Variants in LDB2 observed in about 807,000 individuals in gnomAD.
LDB2 encodes LIM domain binding 2.
LDB2 carries 12 observed loss-of-function variants against 44.3 expected under a neutral mutation model. The observed-to-expected ratio is 0.27, with a 90% CI of 0.17 to 0.44. LDB2 has a LOEUF of 0.44. Ranked by LOEUF, LDB2 falls within the 20% of genes least tolerant of loss-of-function variation. The pLI is 1.00. For missense variants in LDB2, 344 were observed against 473.5 expected, an observed-to-expected ratio of 0.73 and a Z score of 2.54; for synonymous variants, 164 against 174.8, an observed-to-expected ratio of 0.94 and a Z score of 0.49.
At chr4:16,816,833 T>C (rs1781028160) in intron 1 of LDB2, among the ~76,000 whole-genome samples, 2 of 152,214 alleles carry the variant, frequency 1.3e-5, no homozygotes, top group Admixed American at 6.5e-5. Context: ...TGTCTTTATA[T>C]ATATAGTCTC....
intron 2 of LDB2, among the ~76,000 whole-genome samples, chr4:16,615,366 C>T (rs926832655): frequency 3.3e-5 from 5 of 152,042 alleles, no homozygotes; most frequent in Non-Finnish European, 5.9e-5. Flanking sequence ...AAATGCTCAT[C>T]GATGATAGAC....
intron 2 of LDB2, among the ~76,000 whole-genome samples, chr4:16,746,843 T>C (rs1383181758): frequency 2.0e-5 from 3 of 152,170 alleles, no homozygotes; most frequent in Non-Finnish European, 4.4e-5. Flanking sequence ...TGTAATCATA[T>C]GCATTCCTAA....
intron 1 of LDB2, among the ~76,000 whole-genome samples, chr4:16,803,607 T>C (rs1225051545): frequency 6.6e-6 from 1 of 152,186 alleles, no homozygotes; most frequent in Non-Finnish European, 1.5e-5. Flanking sequence ...GCTTCACATA[T>C]GACCAACAAT....
chr4:16,565,552 G>T (rs756992497), intron 5 of LDB2, among the ~76,000 whole-genome samples: 1 of 151,686 alleles, frequency 6.6e-6, no homozygotes, highest in Non-Finnish European at 1.5e-5. Flanking sequence ...AAAAAATCTA[G>T]AAGCATTCCT....
chr4:16,756,814 G>A (rs559596070), intron 2 of LDB2, among the ~76,000 whole-genome samples: 5 of 151,968 alleles, frequency 3.3e-5, no homozygotes, highest in Non-Finnish European at 7.4e-5. Context: ...TGGCAACTTA[G>A]AGATAAAGTA....
intron 5 of LDB2, among the ~76,000 whole-genome samples, chr4:16,559,960 A>G (rs1250620903): frequency 3.9e-5 from 6 of 152,210 alleles, no homozygotes; most frequent in African/African-American, 7.2e-5. Flanking sequence ...CTGCTCCTGA[A>G]TGACTACTGG....
At chr4:16,571,944 A>C (rs568692456) in intron 5 of LDB2, among the ~76,000 whole-genome samples, 1 of 152,310 alleles carries the variant, frequency 6.6e-6, no homozygotes, top group East Asian at 1.9e-4. Context: ...AGTGTGCCTT[A>C]AACTCTGCTA....
chr4:16,593,974 G>A (rs11735433), intron 3 of LDB2, among the ~76,000 whole-genome samples: 1 of 152,124 alleles, frequency 6.6e-6, no homozygotes, highest in Admixed American at 6.5e-5. Context: ...GCCTGAGAAA[G>A]AAATTGAGTA....
At chr4:16,779,162 T>C (rs1476519712) in intron 1 of LDB2, among the ~76,000 whole-genome samples, 1 of 152,150 alleles carries the variant, frequency 6.6e-6, no homozygotes, top group Non-Finnish European at 1.5e-5. Context: ...AGAACTTGGC[T>C]TTGGGAGCCT....
At chr4:16,628,853 G>C (rs1294607778) in intron 2 of LDB2, among the ~76,000 whole-genome samples, 1 of 152,174 alleles carries the variant, frequency 6.6e-6, no homozygotes, top group African/African-American at 2.4e-5. Context: ...TCCTATCCAA[G>C]GGAAGCCGTG....
At chr4:16,579,574 A>T (rs1560531204) in intron 5 of LDB2, among the ~76,000 whole-genome samples, 1 of 152,170 alleles carries the variant, frequency 6.6e-6, no homozygotes, top group African/African-American at 2.4e-5. Flanking sequence ...TTAAGTGGGA[A>T]TCTGCACCCT....
At chr4:16,542,103 G>GGA (rs1553889159) in intron 5 of LDB2, among the ~76,000 whole-genome samples, 1 of 145,068 alleles carries the variant, frequency 6.9e-6, no homozygotes, top group Non-Finnish European at 1.5e-5. Context: ...TCAGGTGGTG[G>GGA]GGGGGGGGGC....
At chr4:16,507,636 C>G (rs1442809423) in intron 7 of LDB2, among the ~76,000 whole-genome samples, 1 of 152,058 alleles carries the variant, frequency 6.6e-6, no homozygotes, top group Non-Finnish European at 1.5e-5. Flanking sequence ...TAAAAGGTAT[C>G]CATGAAGCAC....
At chr4:16,822,154 C>T (rs1209562017) in intron 1 of LDB2, among the ~76,000 whole-genome samples, 3 of 151,918 alleles carry the variant, frequency 2.0e-5, no homozygotes. Flanking sequence ...TATATACTTG[C>T]CTATGTACAG....
chr4:16,897,946 GTATATATA>G (rs35836810), intron 1 of LDB2, among the ~76,000 whole-genome samples: 3,011 of 27,886 alleles, frequency 0.11, 153 homozygotes, highest in South Asian at 0.19. Context: ...ATACACATAT[GTATATATA>G]TATATATATA....
At chr4:16,627,620 A>C (rs1730626836) in intron 2 of LDB2, among the ~76,000 whole-genome samples, 1 of 152,200 alleles carries the variant, frequency 6.6e-6, no homozygotes, top group Non-Finnish European at 1.5e-5. Context: ...GTACACAGAC[A>C]CTAAGTGACA....
At position 16,615,073 on chromosome 4, in the gene LDB2, A is replaced by G. The variant is rs1381090818; in HGVS notation, c.236-19198T>C. Among the ~76,000 whole-genome samples, 20 of 149,236 alleles carry G rather than the reference A, an allele frequency of 1.3e-4. 2 individuals are homozygous for G. In the South Asian group the frequency reaches 4.2e-3, roughly 32 times the overall value. Reference sequence around the variant, plus strand: ...CGACAGAGCGAGACTCCGTCTCAAAAAAAAAAAAAAAAAAAAAAAGTCAAG... The same window carrying G: ...CGACAGAGCGAGACTCCGTCTCAAAGAAAAAAAAAAAAAAAAAAAGTCAAG... On this transcript the variant is annotated intron_variant, in intron 2 of 7. Transcript: ENST00000304523.
chr4:16,795,548 A>T (rs1195315070), intron 1 of LDB2, among the ~76,000 whole-genome samples: 2 of 152,092 alleles, frequency 1.3e-5, no homozygotes, highest in Non-Finnish European at 2.9e-5. Context: ...ACAGCATTTG[A>T]GGTGGTTCAC....
intron 2 of LDB2, among the ~76,000 whole-genome samples, chr4:16,705,856 C>A (rs1374033144): frequency 6.6e-6 from 1 of 152,156 alleles, no homozygotes; most frequent in East Asian, 1.9e-4. Context: ...AGTCCCCTCT[C>A]TCCAATCAGA....
Sources: allele counts gnomAD v4.1 joint callset (sites outside exome capture counted in the v4.1 genomes callset), GRCh38; gene constraint gnomAD v4.1.1; transcripts MANE v1.5; gene names NCBI Gene and HGNC (gene_info 2026-07-23, HGNC 2026-07-21).